The following COL27A1 variants were observed in gnomAD, a reference collection of about 807,000 sequenced individuals.
COL27A1 encodes collagen type XXVII alpha 1 chain.
In COL27A1, 106 loss-of-function variants were observed where a neutral mutation model predicts 251.3. The ratio of observed to expected loss-of-function variants is 0.42; its 90% CI spans 0.36 to 0.50. The LOEUF (loss-of-function observed/expected upper bound fraction) is 0.50, where lower values mean the gene tolerates loss of function less well. Among genes scored for constraint, COL27A1 ranks in the 20% least tolerant of loss-of-function variants. The pLI, the probability that COL27A1 is intolerant of heterozygous loss-of-function variation, is 0.00. For missense variants in COL27A1, 2,325 were observed against 2,522.8 expected (o/e 0.92, Z 1.68); for synonymous variants, 1,000 against 986.3 (o/e 1.01, Z -0.26).
chr9:114,196,015 A>G lies in COL27A1; in HGVS notation c.2124+3A>G. ...ATCCAGGACCTCCGGGACGAAAGGT[A>G]CTGTTTGGTTTTGATGCTTTGCCTT... On this transcript the variant is annotated splice_donor_region_variant and intron_variant, in intron 7 of 60. Coordinates refer to ENST00000356083, the MANE Select transcript of COL27A1 (RefSeq NM_032888.4). 2 of 1,613,804 alleles carry G rather than the reference A, an allele frequency of 1.2e-6. No individual in the cohort carries two copies. Among genetic ancestry groups the G allele is most frequent in the Non-Finnish European group, 1.7e-6 (2 of 1,179,776 alleles).
intron 49 of COL27A1, among the ~76,000 whole-genome samples, chr9:114,295,264 A>C (rs888116710): frequency 2.0e-5 from 3 of 152,274 alleles, no homozygotes; most frequent in Non-Finnish European, 4.4e-5. Flanking sequence ...ACTGAGAACT[A>C]TAGAACACTG....
At chr9:114,172,122 C>T (rs115254307) in intron 3 of COL27A1, among the ~76,000 whole-genome samples, 2,274 of 152,298 alleles carry the variant, frequency 0.015, 68 homozygotes, top group African/African-American at 0.052. Context: ...AGGAGGAACC[C>T]GGAAGCTGGT....
At chr9:114,224,644 G>A (rs1831342042) in intron 14 of COL27A1, among the ~76,000 whole-genome samples, 2 of 134,458 alleles carry the variant, frequency 1.5e-5, no homozygotes, top group African/African-American at 5.6e-5. Context: ...TAGCCCTCCT[G>A]GTTCTTTTTT....
At chr9:114,295,497 A>C (rs77492612) in intron 49 of COL27A1, among the ~76,000 whole-genome samples, 11,243 of 152,278 alleles carry the variant, frequency 0.074, 664 homozygotes, top group East Asian at 0.22. Context: ...TTGAAAGAGA[A>C]GAGCAAAGTT....
intron 3 of COL27A1, among the ~76,000 whole-genome samples, chr9:114,172,840 A>G (rs1290243775): frequency 6.6e-6 from 1 of 152,156 alleles, no homozygotes; most frequent in Non-Finnish European, 1.5e-5. Context: ...TATCTTATCT[A>G]GTTTTGCTGA....
intron 48 of COL27A1, among the ~76,000 whole-genome samples, chr9:114,291,898 G>A (rs1451432803): frequency 2.0e-5 from 3 of 152,146 alleles, no homozygotes; most frequent in Non-Finnish European, 2.9e-5. Flanking sequence ...CCCGGAATGC[G>A]AGAGGAGAGA....
intron 7 of COL27A1, among the ~76,000 whole-genome samples, chr9:114,203,952 C>T (rs968532741): frequency 1.3e-5 from 2 of 152,016 alleles, no homozygotes; most frequent in African/African-American, 2.4e-5. Context: ...TAGTCGCCCC[C>T]GAGCCCAGCT....
chr9:114,168,241 G>A lies in COL27A1; in HGVS notation c.686G>A (p.Cys229Tyr). The part of the protein sequence containing the change: ...YPVTQVAHNY[C>Y]THLRKQCGQA... ...GTGACGCAGGTCGCTCACAATTACT[G>A]TACCCACCTGAGGAAGCAGTGTGGA... The change falls in exon 3 of 61, where the codon TGT becomes TAT. Residue 229 changes from cysteine to tyrosine, a missense_variant. Physicochemically the swap from Cys to Tyr is radical, Grantham distance 194 (BLOSUM62 -2). Coordinates refer to ENST00000356083, the MANE Select transcript of COL27A1 (RefSeq NM_032888.4). The A allele has an allele frequency of 1.2e-6, 2 of 1,613,980 alleles. No individual in the cohort carries two copies. Among genetic ancestry groups the A allele is most frequent in the Non-Finnish European group, 1.7e-6 (2 of 1,180,014 alleles).
intron 34 of COL27A1, among the ~76,000 whole-genome samples, 191 bp downstream of exon 34, chr9:114,267,748 G>T (rs902093538): frequency 1.3e-5 from 2 of 152,174 alleles, no homozygotes; most frequent in African/African-American, 4.8e-5. Flanking sequence ...TGCCCTCTGC[G>T]AGGTAATGTT....
chr9:114,281,778 C>T (rs1004449012), intron 37 of COL27A1, among the ~76,000 whole-genome samples: 7 of 152,286 alleles, frequency 4.6e-5, no homozygotes, highest in Admixed American at 1.3e-4. Context: ...GCCTGCAAGG[C>T]GCAGCTGGGA....
chr9:114,306,784 G>T, intron 58 of COL27A1, 96 bp downstream of exon 58: 4 of 1,399,552 alleles, frequency 2.9e-6, no homozygotes, highest in Non-Finnish European at 3.9e-6. Flanking sequence ...CTGAGTTTTT[G>T]TCCTCAGCAA....
chr9:114,275,820 C>G (rs1216170035), intron 37 of COL27A1, 52 bp downstream of exon 37: 1 of 1,239,996 alleles, frequency 8.1e-7, no homozygotes, highest in Admixed American at 2.3e-5. Flanking sequence ...ACCCTGAACT[C>G]TCATGCCTGT....
At chr9:114,209,570 G>C (rs931654223) in intron 10 of COL27A1, 105 bp from the exon 11 acceptor site, 9 of 1,035,774 alleles carry the variant, frequency 8.7e-6, no homozygotes, top group Non-Finnish European at 1.4e-5. Flanking sequence ...GGGAGGAAGA[G>C]GAGGAGCCGG....
intron 23 of COL27A1, among the ~76,000 whole-genome samples, chr9:114,243,958 C>T (rs1213105869): frequency 1.4e-5 from 2 of 146,712 alleles, no homozygotes; most frequent in African/African-American, 2.5e-5. Flanking sequence ...ATGGAGTCTC[C>T]CTCTGTTGCC....
chr9:114,304,755 T>A, intron 57 of COL27A1, 82 bp downstream of exon 57: 1 of 1,228,432 alleles, frequency 8.1e-7, no homozygotes, highest in Non-Finnish European at 1.2e-6. Context: ...GGTCAGTGCC[T>A]TCCATGTGGC....
At chr9:114,205,532 A>C (rs991698152) in intron 8 of COL27A1, among the ~76,000 whole-genome samples, 1 of 152,122 alleles carries the variant, frequency 6.6e-6, no homozygotes, top group Non-Finnish European at 1.5e-5. Context: ...AGGCCTCCTC[A>C]GTAATTTCTT....
Position 114,155,876 on chromosome 9 carries a change from G to A in COL27A1, c.-75G>A, listed in dbSNP as rs896695217. 2.5e-4 allele frequency: 276 copies of A among 1,088,010 alleles called. 1 individual carries two copies. The African/African-American group carries it at 4.4e-3, about 17-fold the overall frequency. The allele number at this position is 1,088,010 out of a possible 1,614,324, so 67.4% of individuals were successfully genotyped here. ...CTCTAAGCCGGCCTGGCGCGGCGGG[G>A]CGGGGGGCTGGCGGCCCCATGGGGC... On this transcript the variant is annotated 5_prime_UTR_variant, in exon 1 of 61. Transcript: ENST00000356083. This position sits in a 1 kb window ranked among gnomAD's most constrained non-coding sequence, Gnocchi z 5.5.
intron 13 of COL27A1, among the ~76,000 whole-genome samples, chr9:114,220,618 A>G (rs1317104699): frequency 6.6e-6 from 1 of 152,162 alleles, no homozygotes; most frequent in Non-Finnish European, 1.5e-5. Flanking sequence ...TTGTTGTACC[A>G]CTTGTCAGGT....
chr9:114,238,344 G>A (rs1832535300), intron 19 of COL27A1, among the ~76,000 whole-genome samples: 2 of 152,080 alleles, frequency 1.3e-5, no homozygotes, highest in African/African-American at 4.8e-5. Flanking sequence ...TCTTTTTGAC[G>A]CCCCCGTCTT....
Sources: allele counts gnomAD v4.1 joint callset (sites outside exome capture counted in the v4.1 genomes callset), GRCh38; gene constraint gnomAD v4.1.1; non-coding constraint Gnocchi (gnomAD v3.1); transcripts MANE v1.5; gene names NCBI Gene and HGNC (gene_info 2026-07-23, HGNC 2026-07-21).